Variants in LPCAT2 observed in about 807,000 individuals in gnomAD.
LPCAT2 encodes 1-AGP acyltransferase 11.
In LPCAT2, 58 loss-of-function variants were observed where a neutral mutation model predicts 64.7. The observed-to-expected ratio is 0.90, with a 90% CI of 0.73 to 1.12. The LOEUF is 1.12. LPCAT2 is among the 50% of genes most tolerant of loss of function. The pLI is 0.00. For missense variants in LPCAT2, 579 were observed against 669.8 expected, an observed-to-expected ratio of 0.86 and a Z score of 1.50; for synonymous variants, 252 against 245.3, an observed-to-expected ratio of 1.03 and a Z score of -0.26.
At chr16:55,554,916 C>T (rs1963557642) in intron 11 of LPCAT2, among the ~76,000 whole-genome samples, 1 of 152,148 alleles carries the variant, frequency 6.6e-6, no homozygotes, top group Non-Finnish European at 1.5e-5. Flanking sequence ...CCAGTCAGTC[C>T]ATGGAACAAT....
chr16:55,583,181 G>A lies in LPCAT2; in HGVS notation c.*83G>A. On this transcript the variant is annotated 3_prime_UTR_variant, in exon 14 of 14. Transcript: ENST00000262134. ...TTATTGATAATACTTTTAATGTGTTGGTAATGATGTTTAAAATTGAAAGAT... is the reference window on the plus strand; with the variant it reads ...TTATTGATAATACTTTTAATGTGTTAGTAATGATGTTTAAAATTGAAAGAT... 2.7e-5 allele frequency: 27 copies of A among 992,216 alleles called. No individual in the cohort carries two copies. The highest frequency in any genetic ancestry group is 7.2e-5 in the South Asian group (3 of 41,744). 61.5% of individuals were successfully genotyped at this position (992,216 alleles called of 1,614,324 possible).
chr16:55,522,300 A>G (rs753014096), intron 1 of LPCAT2, among the ~76,000 whole-genome samples: 1 of 151,744 alleles, frequency 6.6e-6, no homozygotes, highest in Non-Finnish European at 1.5e-5. Flanking sequence ...CACTACACTG[A>G]AAACTACAAA....
intron 2 of LPCAT2, among the ~76,000 whole-genome samples, chr16:55,527,266 T>TATTTTTAAAAGC (rs1963183771): frequency 6.6e-6 from 1 of 151,956 alleles, no homozygotes; most frequent in Non-Finnish European, 1.5e-5. Flanking sequence ...GGCGGATCAC[T>TATTTTTAAAAGC]TGAGGTCAGG....
At chr16:55,538,115 C>T (rs1328792960) in intron 8 of LPCAT2, 1 of 154,626 alleles carries the variant, frequency 6.5e-6, no homozygotes, top group Admixed American at 6.3e-5. Flanking sequence ...TATCATCATC[C>T]ACAGGACAGT....
At chr16:55,547,489 T>C (rs1963467088) in intron 9 of LPCAT2, among the ~76,000 whole-genome samples, 1 of 152,162 alleles carries the variant, frequency 6.6e-6, no homozygotes, top group African/African-American at 2.4e-5. Flanking sequence ...CTTAAGTTAT[T>C]TAACATTATC....
rs918935124 is a variant in LPCAT2 at position 55,583,383 on chromosome 16, G to A, written c.*285G>A. On this transcript the variant is annotated 3_prime_UTR_variant, in exon 14 of 14. Coordinates refer to ENST00000262134, the MANE Select transcript of LPCAT2 (RefSeq NM_017839.5). ...TCCAGTTTAATTTGCATATACAAAT[G>A]AATGCAATGGTCTATTGGTGAGCAT... is the stretch of plus-strand genomic sequence containing the variant. 2.6e-5 allele frequency: 7 copies of A among 268,372 alleles called. No individual in the cohort carries two copies. Among genetic ancestry groups the A allele is most frequent in the Admixed American group, 4.6e-5 (1 of 21,630 alleles). 16.6% of individuals were successfully genotyped at this position (268,372 alleles called of 1,614,324 possible).
chr16:55,546,596 T>C (rs1362441231), intron 9 of LPCAT2, among the ~76,000 whole-genome samples: 2 of 152,228 alleles, frequency 1.3e-5, no homozygotes, highest in African/African-American at 4.8e-5. Context: ...CAGCCATGTA[T>C]ATGTGTATAT....
rs528222695 is a variant in LPCAT2, at chr16:55,527,395, G to A, written c.312-982G>A. On this transcript the variant is annotated intron_variant, in intron 2 of 13. Transcript: ENST00000262134. ...CTCGAGAGACTGAGGCAGGAGAATC[G>A]CTTGTACCTGGGAGGCAGAGGTTGC... is the stretch of plus-strand genomic sequence containing the variant. 2.3e-3 allele frequency among the ~76,000 whole-genome samples: 350 copies of A among 149,584 alleles called. 3 individuals are homozygous for A. The highest frequency in any genetic ancestry group is 7.7e-3 in the African/African-American group (313 of 40,526).
chr16:55,557,379 T>C (rs1374573932), intron 11 of LPCAT2, among the ~76,000 whole-genome samples: 1 of 151,602 alleles, frequency 6.6e-6, no homozygotes, highest in Non-Finnish European at 1.5e-5. Context: ...AATTGTGCAA[T>C]TGATGCCACA....
At chr16:55,559,891 G>A (rs533403038) in intron 11 of LPCAT2, among the ~76,000 whole-genome samples, 2 of 152,054 alleles carry the variant, frequency 1.3e-5, no homozygotes, top group South Asian at 2.1e-4. Context: ...CAATTCTCAG[G>A]TTCACTTAGC....
intron 1 of LPCAT2, among the ~76,000 whole-genome samples, chr16:55,512,438 C>T (rs1567388423): frequency 6.6e-6 from 1 of 152,056 alleles, no homozygotes; most frequent in Non-Finnish European, 1.5e-5. Context: ...ACCCCAGCCC[C>T]TTTTTTTCCC....
chr16:55,545,947 A>C, intron 9 of LPCAT2, 130 bp downstream of exon 9: 4 of 646,340 alleles, frequency 6.2e-6, no homozygotes, highest in Non-Finnish European at 5.5e-6. Flanking sequence ...GATACGTAAA[A>C]TAATGTGCCC....
chr16:55,545,695 G>T (rs1963444704), intron 8 of LPCAT2, 40 bp from the exon 9 acceptor site: 1 of 1,294,708 alleles, frequency 7.7e-7, no homozygotes, highest in East Asian at 2.3e-5. Flanking sequence ...AATGTCTTAG[G>T]CTTAAGACAT....
At chr16:55,557,147 T>G (rs1388110455) in intron 11 of LPCAT2, 1 of 152,176 alleles carries the variant, frequency 6.6e-6, no homozygotes, top group African/African-American at 2.4e-5. Context: ...TCTTTTGATC[T>G]CCAACATACT....
rs374412222 is a variant in LPCAT2, at chr16:55,579,285, G to A, written c.1450+41G>A. 9 of 1,600,304 alleles carry A rather than the reference G, an allele frequency of 5.6e-6. No individual in the cohort carries two copies. In the African/African-American group the frequency reaches 8.1e-5, roughly 14 times the overall value. Reference sequence around the variant, plus strand: ...GGCCTCCTGACTTAGTTTACAAGGAGGACATCCAGACTATGGACTGATGCT... The same window carrying A: ...GGCCTCCTGACTTAGTTTACAAGGAAGACATCCAGACTATGGACTGATGCT... On this transcript the variant is annotated intron_variant, in intron 13 of 13. Coordinates refer to ENST00000262134, the MANE Select transcript of LPCAT2 (RefSeq NM_017839.5).
At chr16:55,528,750 G>C (rs1441837307) in intron 3 of LPCAT2, among the ~76,000 whole-genome samples, 156 bp downstream of exon 3, 1 of 152,076 alleles carries the variant, frequency 6.6e-6, no homozygotes, top group Non-Finnish European at 1.5e-5. Flanking sequence ...CATGGAAATA[G>C]TATATTTATG....
At chr16:55,527,871 A>T (rs959016723) in intron 2 of LPCAT2, among the ~76,000 whole-genome samples, 2 of 152,234 alleles carry the variant, frequency 1.3e-5, no homozygotes, top group African/African-American at 4.8e-5. Context: ...AATAATTCTG[A>T]GAACAGTTTC....
intron 11 of LPCAT2, among the ~76,000 whole-genome samples, chr16:55,568,797 C>G (rs1331385981): frequency 6.6e-6 from 1 of 152,154 alleles, no homozygotes; most frequent in Non-Finnish European, 1.5e-5. Context: ...CAAGAAAATG[C>G]CACCCAAAAG....
intron 11 of LPCAT2, among the ~76,000 whole-genome samples, chr16:55,567,994 TA>T (rs1278620544): frequency 1.3e-5 from 2 of 152,138 alleles, no homozygotes; most frequent in African/African-American, 4.8e-5. Context: ...TCCCATTATG[TA>T]AAAAAATGAA....
Sources: gnomAD v4.1 joint callset for allele counts (sites outside exome capture counted in the v4.1 genomes callset) on GRCh38, gnomAD v4.1.1 for gene constraint, MANE v1.5 for transcripts, NCBI Gene and HGNC (gene_info 2026-07-23, HGNC 2026-07-21) for gene names.